The following CADPS variants were observed in gnomAD, a reference collection of about 807,000 sequenced individuals.
CADPS encodes calcium-dependent secretion activator 1.
CADPS carries 57 observed loss-of-function variants against 167.3 expected under a neutral mutation model. The ratio of observed to expected loss-of-function variants is 0.34; its 90% CI spans 0.28 to 0.42. The LOEUF (loss-of-function observed/expected upper bound fraction) is 0.42, where lower values mean the gene tolerates loss of function less well. Ranked by LOEUF, CADPS falls within the 20% of genes least tolerant of loss-of-function variation. The pLI is 1.00. For missense variants in CADPS, 1,414 were observed against 1,738.1 expected (o/e 0.81, Z 3.32); for synonymous variants, 676 against 635.3 (o/e 1.06, Z -0.96).
chr3:62,547,592 C>CAA (rs1188586868), intron 11 of CADPS, among the ~76,000 whole-genome samples: 1 of 103,386 alleles, frequency 9.7e-6, no homozygotes, highest in East Asian at 3.2e-4. Context: ...TTACGCCCCC[C>CAA]CCCCCCCGCA....
chr3:62,652,824 T>C (rs1440765063), intron 4 of CADPS, among the ~76,000 whole-genome samples: 1 of 152,220 alleles, frequency 6.6e-6, no homozygotes. Context: ...ATTTCTCCTG[T>C]AATTTTGTTC....
At chr3:62,613,634 A>G (rs2061821718) in intron 6 of CADPS, among the ~76,000 whole-genome samples, 1 of 152,224 alleles carries the variant, frequency 6.6e-6, no homozygotes, top group Non-Finnish European at 1.5e-5. Flanking sequence ...GACAAACCTG[A>G]AAGAGTTTGA....
chr3:62,713,456 T>G (rs2083805420), intron 3 of CADPS, among the ~76,000 whole-genome samples: 1 of 152,230 alleles, frequency 6.6e-6, no homozygotes, highest in South Asian at 2.1e-4. Context: ...TCACCCCTTT[T>G]CAGGGCAATG....
rs192459605 is a variant in CADPS, at chr3:62,555,709, C to T, written c.1753+1696G>A. 5.7e-4 allele frequency among the ~76,000 whole-genome samples: 86 copies of T among 152,196 alleles called. 1 individual carries two copies. Among genetic ancestry groups the T allele is most frequent in the Middle Eastern group, 6.8e-3 (2 of 294 alleles). Reference sequence around the variant, plus strand: ...TTCCCTTCTCATATTGGCCCTTTAGCGTCCCATTTTATGTTTAAAAATTTA... The same window carrying T: ...TTCCCTTCTCATATTGGCCCTTTAGTGTCCCATTTTATGTTTAAAAATTTA... On this transcript the variant is annotated intron_variant, in intron 10 of 29. Transcript: ENST00000383710.
rs541485415 is a variant in CADPS at position 62,518,939 on chromosome 3, T to TA, written c.2292-690dup. On this transcript the variant is annotated intron_variant, in intron 13 of 29. Coordinates refer to ENST00000383710, the MANE Select transcript of CADPS (RefSeq NM_003716.4). ...ATGTTTTCCAATTTTAGCAAACTGT[T>TA]ACTCATTGTAATAAAAAGGACCCCA... 2.1e-4 allele frequency among the ~76,000 whole-genome samples: 32 copies of TA among 152,334 alleles called. No individual in the cohort carries two copies. In the East Asian group the frequency reaches 6.2e-3, roughly 29 times the overall value.
intron 17 of CADPS, chr3:62,500,131 A>G (rs1261435101): frequency 6.6e-6 from 1 of 151,934 alleles, no homozygotes; most frequent in African/African-American, 2.4e-5. Context: ...AACATAAAGG[A>G]GGTTTTCTTT....
Position 62,700,988 on chromosome 3 carries a change from T to G in CADPS, c.889-38594A>C, listed in dbSNP as rs113832682. Among the ~76,000 whole-genome samples, 400 of 152,150 alleles carry G rather than the reference T, an allele frequency of 2.6e-3. 8 individuals carry two copies. The highest frequency in any genetic ancestry group is 0.01 in the Middle Eastern group (3 of 294). ...TTGCAGATGGCCAAGTTCTTTTATC[T>G]TCACAAGATGGTGGAAAGAGCAAGA... On this transcript the variant is annotated intron_variant, in intron 3 of 29. Transcript: ENST00000383710.
At chr3:62,700,986 T>A (rs531090370) in intron 3 of CADPS, among the ~76,000 whole-genome samples, 9 of 152,172 alleles carry the variant, frequency 5.9e-5, no homozygotes, top group African/African-American at 2.2e-4. Context: ...AGTTCTTTTA[T>A]CTTCACAAGA....
At chr3:62,799,718 G>C (rs1357035021) in intron 1 of CADPS, among the ~76,000 whole-genome samples, 1 of 152,038 alleles carries the variant, frequency 6.6e-6, no homozygotes, top group African/African-American at 2.4e-5. Flanking sequence ...TTTATAATGG[G>C]GTTGAATGAG....
chr3:62,454,753 C>T (rs1686201458), intron 26 of CADPS, among the ~76,000 whole-genome samples: 2 of 152,226 alleles, frequency 1.3e-5, no homozygotes, highest in South Asian at 4.2e-4. Flanking sequence ...CGAGGTTTTC[C>T]TGCAAAGCAT....
At position 62,653,701 on chromosome 3, in the gene CADPS, C is replaced by A. The variant is rs111584505; in HGVS notation, c.970-2621G>T. 2.3e-3 allele frequency among the ~76,000 whole-genome samples: 345 copies of A among 152,050 alleles called. 1 individual carries two copies. Among genetic ancestry groups the A allele is most frequent in the African/African-American group, 7.9e-3 (327 of 41,470 alleles). Reference sequence around the variant, plus strand: ...ATAGATCAATGACTTGTCAAAAATGCCCATATTAAATATCAATGTAGCTAA... The same window carrying A: ...ATAGATCAATGACTTGTCAAAAATGACCATATTAAATATCAATGTAGCTAA... On this transcript the variant is annotated intron_variant, in intron 4 of 29. Coordinates refer to ENST00000383710, the MANE Select transcript of CADPS (RefSeq NM_003716.4).
intron 13 of CADPS, among the ~76,000 whole-genome samples, chr3:62,520,180 T>A (rs946209340): frequency 6.6e-6 from 1 of 152,230 alleles, no homozygotes; most frequent in African/African-American, 2.4e-5. Context: ...ATATTTGTGG[T>A]CATTATTAGG....
chr3:62,545,800 A>G (rs1345891506), intron 11 of CADPS, among the ~76,000 whole-genome samples: 1 of 152,168 alleles, frequency 6.6e-6, no homozygotes, highest in East Asian at 1.9e-4. Flanking sequence ...GTCCATTCTT[A>G]AGTTTCCCTT....
At chr3:62,708,586 A>C (rs952784100) in intron 3 of CADPS, among the ~76,000 whole-genome samples, 3 of 151,972 alleles carry the variant, frequency 2.0e-5, no homozygotes, top group African/African-American at 7.3e-5. Flanking sequence ...CATTTTCATG[A>C]GAGAGCTATC....
At chr3:62,721,139 A>ATTTTTT (rs1268261563) in intron 3 of CADPS, among the ~76,000 whole-genome samples, 1 of 112,972 alleles carries the variant, frequency 8.9e-6, no homozygotes, top group Non-Finnish European at 1.7e-5. Flanking sequence ...TTTTTTAAAA[A>ATTTTTT]AAAAAAGAAG....
chr3:62,843,938 G>A (rs1401977646), intron 1 of CADPS, among the ~76,000 whole-genome samples: 1 of 152,138 alleles, frequency 6.6e-6, no homozygotes, highest in Non-Finnish European at 1.5e-5. Flanking sequence ...ATACTTTAAA[G>A]TGAGACATTA....
chr3:62,645,841 C>G lies in CADPS; in HGVS notation c.1206G>C (p.Val402=). The change falls in exon 6 of 30, where the codon GTG becomes GTC. Residue 402 remains valine, a splice_region_variant and synonymous_variant. Transcript: ENST00000383710. ...TGAGGCCTTGGACTTCCATAATTAC[C>G]ACCTGAAAAGAGAATTCCACATAAT... is the stretch of plus-strand genomic sequence containing the variant. The part of the protein sequence containing the change: ...SDVVLSFSLE[V]VIMEVQGLKS... The G allele has an allele frequency of 1.2e-6, 2 of 1,613,934 alleles. No homozygotes were observed. The highest frequency in any genetic ancestry group is 1.7e-6 in the Non-Finnish European group (2 of 1,179,896).
At chr3:62,825,303 TAGGGGTTCCCAA>T (rs1251507941) in intron 1 of CADPS, among the ~76,000 whole-genome samples, 1 of 152,132 alleles carries the variant, frequency 6.6e-6, no homozygotes, top group African/African-American at 2.4e-5. Context: ...GTCCTTATTT[TAGGGGTTCCCAA>T]AGTGTAATCA....
chr3:62,793,766 CGT>C (rs976807795), intron 1 of CADPS, among the ~76,000 whole-genome samples: 6 of 152,118 alleles, frequency 3.9e-5, no homozygotes, highest in Admixed American at 1.3e-4. Context: ...TGCGCACGTG[CGT>C]GTGTGTACGT....
Sources: allele counts gnomAD v4.1 joint callset (sites outside exome capture counted in the v4.1 genomes callset), GRCh38; gene constraint gnomAD v4.1.1; transcripts MANE v1.5; gene names NCBI Gene and HGNC (gene_info 2026-07-23, HGNC 2026-07-21).